Variants in ERAP1 observed in about 807,000 individuals in gnomAD.
ERAP1 encodes the protein adipocyte-derived leucine aminopeptidase.
In ERAP1, 86 loss-of-function variants were observed where a neutral mutation model predicts 103.7. That is an observed-to-expected ratio of 0.83 (90% CI 0.70 to 0.99). The LOEUF is 0.99. Among genes scored for constraint, ERAP1 ranks in the 50% least tolerant of loss-of-function variants. The pLI is 0.00. For missense variants in ERAP1, 1,009 were observed against 1,128.4 expected (o/e 0.89, Z 1.52); for synonymous variants, 398 against 402.4 (o/e 0.99, Z 0.13).
the ERAP1 span, chr5:96,879,479 C>T: frequency 2.0e-6 from 1 of 506,776 alleles, no homozygotes; most frequent in South Asian, 3.1e-5. Context: ...TTCCCTTACT[C>T]ACACATACCT....
the ERAP1 span, among the ~76,000 whole-genome samples, chr5:96,856,369 G>T: frequency 0.096 from 5,362 of 56,112 alleles, 283 homozygotes; most frequent in East Asian, 0.3. Flanking sequence ...TATATATAGA[G>T]AGAGAGAGAG....
the ERAP1 span, among the ~76,000 whole-genome samples, chr5:96,869,627 G>A: frequency 6.6e-6 from 1 of 152,204 alleles, no homozygotes; most frequent in Non-Finnish European, 1.5e-5. Flanking sequence ...ATTGTCAAAT[G>A]GCTCTGGAGA....
chr5:96,906,329 C>A, the ERAP1 span, among the ~76,000 whole-genome samples: 1 of 152,056 alleles, frequency 6.6e-6, no homozygotes, highest in African/African-American at 2.4e-5. Context: ...TGCAGTGGTG[C>A]GATCATGGCT....
At chr5:96,929,495 T>C in the ERAP1 span, among the ~76,000 whole-genome samples, 2 of 151,862 alleles carry the variant, frequency 1.3e-5, no homozygotes, top group Middle Eastern at 3.2e-3. Flanking sequence ...CTTCCTTTCT[T>C]TCTTCTTGAG....
At chr5:96,803,272 A>G in intron 2 of ERAP1, 131 bp downstream of exon 2, 1 of 883,866 alleles carries the variant, frequency 1.1e-6, no homozygotes, top group South Asian at 1.6e-5. Context: ...TAACACTATA[A>G]AGAAGATGCA....
the ERAP1 span, among the ~76,000 whole-genome samples, chr5:96,835,132 A>T: frequency 6.6e-6 from 1 of 152,226 alleles, no homozygotes; most frequent in Non-Finnish European, 1.5e-5. Context: ...TAACACCATG[A>T]CACTGTCTGT....
chr5:96,793,257 C>A, intron 7 of ERAP1, 143 bp downstream of exon 7: 1 of 704,828 alleles, frequency 1.4e-6, no homozygotes. Flanking sequence ...ATTTTTGCAA[C>A]ACGATTCATA....
chr5:96,912,217 A>C, the ERAP1 span, among the ~76,000 whole-genome samples: 1 of 151,510 alleles, frequency 6.6e-6, no homozygotes, highest in Non-Finnish European at 1.5e-5. Flanking sequence ...AAAGAAAAGA[A>C]AAAAATGCCT....
intron 18 of ERAP1, among the ~76,000 whole-genome samples, chr5:96,777,740 C>A (rs1313646036): frequency 1.3e-5 from 2 of 152,136 alleles, no homozygotes; most frequent in African/African-American, 4.8e-5. Context: ...AATCATTAAT[C>A]CTAAAGGAGC....
the ERAP1 span, among the ~76,000 whole-genome samples, chr5:96,835,079 CGTGTACT>C: frequency 6.6e-6 from 1 of 152,168 alleles, no homozygotes; most frequent in Admixed American, 6.6e-5. Context: ...GGCTGTTAGG[CGTGTACT>C]AGTGGCTGAG....
At chr5:96,913,235 C>A in the ERAP1 span, 6 of 1,107,106 alleles carry the variant, frequency 5.4e-6, no homozygotes, top group African/African-American at 1.6e-5. Context: ...CTGTTCTATT[C>A]TTTTAATATA....
At chr5:96,830,056 G>T in the ERAP1 span, among the ~76,000 whole-genome samples, 396 of 152,320 alleles carry the variant, frequency 2.6e-3, 6 homozygotes, top group Admixed American at 0.022. Flanking sequence ...GGATCACTTT[G>T]AAAGACATTT....
chr5:96,894,567 G>A, the ERAP1 span, among the ~76,000 whole-genome samples: 2 of 152,110 alleles, frequency 1.3e-5, no homozygotes. Context: ...TAAAAGAATA[G>A]TAATATTTAA....
chr5:96,832,415 G>A, the ERAP1 span, among the ~76,000 whole-genome samples: 2 of 152,160 alleles, frequency 1.3e-5, no homozygotes, highest in Admixed American at 6.6e-5. Flanking sequence ...ACACCAAGTC[G>A]AATATTTTGG....
chr5:96,820,521 G>A, the ERAP1 span, among the ~76,000 whole-genome samples: 100,455 of 152,036 alleles, frequency 0.66, 33,685 homozygotes, highest in Non-Finnish European at 0.72. Flanking sequence ...AAATCTAAAC[G>A]TTACTAGTTT....
the ERAP1 span, among the ~76,000 whole-genome samples, chr5:96,818,115 T>A: frequency 1.9e-4 from 29 of 152,262 alleles, no homozygotes; most frequent in South Asian, 5.6e-3. Context: ...GTACCAATCG[T>A]AGATTTAGAT....
chr5:96,763,987 C>A (rs1181566248), intron 19 of ERAP1, among the ~76,000 whole-genome samples: 2 of 150,000 alleles, frequency 1.3e-5, no homozygotes, highest in South Asian at 2.1e-4. Flanking sequence ...CTGCTTAGTT[C>A]ACTGAGAACC....
chr5:96,886,185 A>G, the ERAP1 span, among the ~76,000 whole-genome samples: 83,440 of 151,930 alleles, frequency 0.55, 22,947 homozygotes, highest in Admixed American at 0.6. Context: ...TCACACCCAC[A>G]TAACAGGATT....
downstream of ERAP1, among the ~76,000 whole-genome samples, chr5:96,771,252 CT>C (rs1772203195): frequency 6.6e-6 from 1 of 152,068 alleles, no homozygotes; most frequent in African/African-American, 2.4e-5. Flanking sequence ...TTAATCAGCC[CT>C]TTAACAAATA....
Sources: allele counts gnomAD v4.1 joint callset (sites outside exome capture counted in the v4.1 genomes callset), GRCh38; gene constraint gnomAD v4.1.1; transcripts MANE v1.5; gene names NCBI Gene and HGNC (gene_info 2026-07-23, HGNC 2026-07-21).